LARGE1: variants seen among roughly 807,000 people sequenced by gnomAD.
LARGE1 encodes xylosyl- and glucuronyltransferase LARGE1.
LARGE1 carries 43 observed loss-of-function variants against 87.6 expected under a neutral mutation model. The observed-to-expected ratio is 0.49, with a 90% CI of 0.38 to 0.63. The LOEUF is 0.63. Among genes scored for constraint, LARGE1 ranks in the 30% least tolerant of loss-of-function variants. The pLI is 0.00. For synonymous variants in LARGE1, 434 were observed against 394.6 expected (o/e 1.10, Z -1.18); for missense variants, 802 against 1,000.2 (o/e 0.80, Z 2.67).
intron 2 of LARGE1, among the ~76,000 whole-genome samples, chr22:33,748,757 T>G (rs1007528430): frequency 6.6e-6 from 1 of 152,246 alleles, no homozygotes; most frequent in Non-Finnish European, 1.5e-5. Context: ...GTCATTTTGA[T>G]GAAATAATTT....
chr22:33,795,471 G>A (rs1206007090), intron 1 of LARGE1, among the ~76,000 whole-genome samples: 3 of 152,100 alleles, frequency 2.0e-5, no homozygotes, highest in Non-Finnish European at 4.4e-5. Flanking sequence ...ACTAGACATA[G>A]TGGTTAAGAA....
chr22:33,433,238 A>C (rs2067144820), intron 6 of LARGE1, among the ~76,000 whole-genome samples: 1 of 152,236 alleles, frequency 6.6e-6, no homozygotes, highest in African/African-American at 2.4e-5. Flanking sequence ...GTCTTGATGC[A>C]CTATTGCTTA....
intron 11 of LARGE1, among the ~76,000 whole-genome samples, chr22:33,243,068 T>A (rs1429783120): frequency 6.6e-6 from 1 of 152,184 alleles, no homozygotes; most frequent in Non-Finnish European, 1.5e-5. Flanking sequence ...TCTAATTCCA[T>A]CTACAATGAC....
intron 1 of LARGE1, among the ~76,000 whole-genome samples, chr22:33,776,411 A>C (rs59015613): frequency 0.043 from 6,495 of 152,262 alleles, 457 homozygotes; most frequent in African/African-American, 0.15. Flanking sequence ...CTCTTTCAAC[A>C]ATGCATTGCC....
chr22:33,498,993 A>AAT (rs2070300043), intron 6 of LARGE1, among the ~76,000 whole-genome samples: 1 of 152,114 alleles, frequency 6.6e-6, no homozygotes, highest in Non-Finnish European at 1.5e-5. Context: ...TACATAAATA[A>AAT]ACAAAAAATT....
the LARGE1 span, among the ~76,000 whole-genome samples, chr22:33,128,680 C>CAAAAAAAAAAAAAA: frequency 2.7e-5 from 3 of 110,298 alleles, no homozygotes; most frequent in Non-Finnish European, 5.5e-5. Context: ...GTCTCAAAAA[C>CAAAAAAAAAAAAAA]AAAAAAAAAA....
intron 6 of LARGE1, among the ~76,000 whole-genome samples, chr22:33,444,639 A>G (rs1369729355): frequency 6.6e-6 from 1 of 152,222 alleles, no homozygotes; most frequent in African/African-American, 2.4e-5. Flanking sequence ...GGACTTACTA[A>G]AAGGATAAAG....
intron 11 of LARGE1, among the ~76,000 whole-genome samples, chr22:33,224,138 C>T (rs923362258): frequency 2.0e-5 from 3 of 152,090 alleles, no homozygotes; most frequent in African/African-American, 7.2e-5. Context: ...TGGTGGTGGG[C>T]ACCTGTTGTT....
At chr22:33,750,554 A>G (rs1051233100) in intron 2 of LARGE1, 1 of 151,592 alleles carries the variant, frequency 6.6e-6, no homozygotes, top group Non-Finnish European at 1.5e-5. Context: ...TTGTGTTTCT[A>G]TATCTTCCAC....
Position 33,316,036 on chromosome 22 carries a change from G to C in LARGE1, c.1451+49C>G, listed in dbSNP as rs1241884590. ...CCCTTCTCCATTCTCTATCCTCCAT[G>C]TAACAGCCGCGGTGAGGAGACTGGG... On this transcript the variant is annotated intron_variant, in intron 11 of 14. Transcript: ENST00000397394. 3 of 1,597,810 alleles carry C rather than the reference G, an allele frequency of 1.9e-6. No individual in the cohort carries two copies. In the Admixed American group the frequency reaches 5.1e-5, roughly 27 times the overall value.
chr22:33,079,385 G>C, the LARGE1 span, among the ~76,000 whole-genome samples: 1 of 151,498 alleles, frequency 6.6e-6, no homozygotes, highest in African/African-American at 2.4e-5. Context: ...CCGCCACCAC[G>C]CCCGGATAAT....
the LARGE1 span, among the ~76,000 whole-genome samples, chr22:33,112,882 GTC>G: frequency 1.3e-5 from 2 of 152,144 alleles, no homozygotes; most frequent in South Asian, 4.1e-4. Context: ...AGTCCTCTTT[GTC>G]TCTGTCTTCT....
chr22:33,639,285 T>C (rs2080360419), intron 3 of LARGE1, among the ~76,000 whole-genome samples: 1 of 152,126 alleles, frequency 6.6e-6, no homozygotes, highest in Non-Finnish European at 1.5e-5. Context: ...ATTGTACTGT[T>C]CCAGCTCCAG....
the LARGE1 span, among the ~76,000 whole-genome samples, chr22:33,141,712 A>G: frequency 1.3e-5 from 2 of 152,162 alleles, no homozygotes; most frequent in African/African-American, 2.4e-5. Flanking sequence ...CTCTACATAC[A>G]ATATGAAGTG....
the LARGE1 span, chr22:33,110,663 T>C: frequency 4.5e-4 from 68 of 152,338 alleles, no homozygotes; most frequent in African/African-American, 1.2e-3. Context: ...TCTGCACAGT[T>C]CGCACAGCGC....
chr22:33,774,919 G>A (rs982968388), intron 1 of LARGE1, among the ~76,000 whole-genome samples: 1 of 152,188 alleles, frequency 6.6e-6, no homozygotes, highest in African/African-American at 2.4e-5. Context: ...ACATCAGACT[G>A]AGAATGGAGT....
chr22:33,765,577 C>A (rs1275238504), intron 1 of LARGE1, among the ~76,000 whole-genome samples: 9 of 151,558 alleles, frequency 5.9e-5, no homozygotes, highest in Admixed American at 5.3e-4. Context: ...TGGTGGTGGG[C>A]GCCTGTAATC....
chr22:33,419,692 T>G (rs901721710), intron 7 of LARGE1, among the ~76,000 whole-genome samples: 10 of 152,030 alleles, frequency 6.6e-5, no homozygotes, highest in East Asian at 1.9e-4. Context: ...TGTTGTTGTT[T>G]TTTGTTTGTT....
At chr22:33,859,301 T>C (rs1167413757) in intron 1 of LARGE1, among the ~76,000 whole-genome samples, 1 of 152,186 alleles carries the variant, frequency 6.6e-6, no homozygotes, top group African/African-American at 2.4e-5. Flanking sequence ...CGACATCTCA[T>C]CATAGTCATT....
Sources: gnomAD v4.1 joint callset for allele counts (sites outside exome capture counted in the v4.1 genomes callset) on GRCh38, gnomAD v4.1.1 for gene constraint, MANE v1.5 for transcripts, NCBI Gene and HGNC (gene_info 2026-07-23, HGNC 2026-07-21) for gene names.